Variants in ANTXRL observed in about 807,000 individuals in gnomAD.
ANTXRL encodes anthrax toxin receptor-like.
ANTXRL carries 63 observed loss-of-function variants against 75.4 expected under a neutral mutation model. That is an observed-to-expected ratio of 0.84 (90% CI 0.68 to 1.03). ANTXRL has a LOEUF of 1.03. Ranked by LOEUF, ANTXRL falls within the 50% of genes least tolerant of loss-of-function variation. The pLI is 0.00. For missense variants in ANTXRL, 797 were observed against 789.4 expected, an observed-to-expected ratio of 1.01 and a Z score of -0.12; for synonymous variants, 335 against 291.3, an observed-to-expected ratio of 1.15 and a Z score of -1.53.
intron 1 of ANTXRL, among the ~76,000 whole-genome samples, chr10:46,288,380 G>A (rs868982803): frequency 6.6e-6 from 1 of 152,120 alleles, no homozygotes; most frequent in African/African-American, 2.4e-5. Flanking sequence ...GGTTGGGGAA[G>A]CATCCAGAGA....
intron 16 of ANTXRL, among the ~76,000 whole-genome samples, chr10:46,317,300 T>G (rs1287057958): frequency 6.6e-6 from 1 of 152,218 alleles, no homozygotes; most frequent in Non-Finnish European, 1.5e-5. Flanking sequence ...CAAGAAACTA[T>G]CAACAGCTTC....
At chr10:46,300,084 A>G (rs116734989) in intron 9 of ANTXRL, among the ~76,000 whole-genome samples, 2,859 of 152,254 alleles carry the variant, frequency 0.019, 90 homozygotes, top group African/African-American at 0.064. Flanking sequence ...ACCCCAGGTG[A>G]GGATGTGAGT....
intron 4 of ANTXRL, 57 bp from the exon 5 acceptor site, chr10:46,296,162 G>C: frequency 6.5e-7 from 1 of 1,535,180 alleles, no homozygotes; most frequent in Non-Finnish European, 8.7e-7. Flanking sequence ...CAAAATCTTA[G>C]AGCATCAGTG....
chr10:46,315,987 A>G (rs1306691925), intron 16 of ANTXRL, among the ~76,000 whole-genome samples: 1 of 152,110 alleles, frequency 6.6e-6, no homozygotes, highest in Non-Finnish European at 1.5e-5. Context: ...CTACACACTT[A>G]TACAAAATGA....
intron 2 of ANTXRL, among the ~76,000 whole-genome samples, chr10:46,293,520 T>TGTGTGC (rs782374134): frequency 1.2e-4 from 17 of 147,352 alleles, no homozygotes; most frequent in African/African-American, 3.3e-4. Context: ...TGTGTGTGTG[T>TGTGTGC]GCCTCTGTGT....
intron 16 of ANTXRL, among the ~76,000 whole-genome samples, chr10:46,325,546 A>C (rs1839172928): frequency 6.6e-6 from 1 of 152,136 alleles, no homozygotes; most frequent in Non-Finnish European, 1.5e-5. Flanking sequence ...ATGGGTTTTA[A>C]TTGAACTGCC....
chr10:46,313,209 C>A (rs1554963932), intron 15 of ANTXRL, 27 bp from the exon 16 acceptor site: 1 of 1,532,794 alleles, frequency 6.5e-7, no homozygotes, highest in South Asian at 1.2e-5. Flanking sequence ...AGCTGCATGT[C>A]TTCCTCATGG....
chr10:46,323,925 T>A, intron 16 of ANTXRL, among the ~76,000 whole-genome samples: 1 of 152,220 alleles, frequency 6.6e-6, no homozygotes, highest in South Asian at 2.1e-4. Context: ...ATCCTCAATA[T>A]CCTGTGAGTC....
At chr10:46,313,098 C>A (rs1246878649) in intron 15 of ANTXRL, 138 bp from the exon 16 acceptor site, 12 of 773,348 alleles carry the variant, frequency 1.6e-5, no homozygotes, top group African/African-American at 5.2e-5. Context: ...GGCTGCCAGG[C>A]CCCTCCCCCA....
intron 15 of ANTXRL, among the ~76,000 whole-genome samples, chr10:46,312,827 A>C (rs543012183): frequency 6.7e-6 from 1 of 149,870 alleles, no homozygotes. Flanking sequence ...CTCCCTGAGC[A>C]GGGCATGGTC....
At chr10:46,294,736 C>T (rs1323007183) in intron 3 of ANTXRL, among the ~76,000 whole-genome samples, 5 of 152,216 alleles carry the variant, frequency 3.3e-5, no homozygotes, top group Admixed American at 6.5e-5. Flanking sequence ...TGGCGAGTGA[C>T]CCAGACGGGG....
chr10:46,315,380 A>G (rs1428353945), intron 16 of ANTXRL, among the ~76,000 whole-genome samples: 1 of 152,238 alleles, frequency 6.6e-6, no homozygotes, highest in Non-Finnish European at 1.5e-5. Flanking sequence ...GGCCCCAGCC[A>G]GGCAGCCCAA....
At chr10:46,315,070 C>A (rs1281713924) in intron 16 of ANTXRL, among the ~76,000 whole-genome samples, 4 of 152,312 alleles carry the variant, frequency 2.6e-5, no homozygotes, top group East Asian at 1.9e-4. Context: ...CCTCTTTAAG[C>A]CTTCGGTGTG....
rs180870033 is a variant in ANTXRL, at chr10:46,296,961, C to T, written c.509-291C>T. ...GAGCTGCCCTCAGGCAGAGGTGGTG[C>T]AGGTCGCTAGTGGGTGAGGGTTCAG... On this transcript the variant is annotated intron_variant, in intron 5 of 16. Coordinates refer to ENST00000620264, the MANE Select transcript of ANTXRL (RefSeq NM_001278688.3). Among the ~76,000 whole-genome samples, 87 of 152,262 alleles carry T rather than the reference C, an allele frequency of 5.7e-4. 1 individual carries two copies. The East Asian group carries it at 0.016, about 29-fold the overall frequency.
At chr10:46,295,144 A>G (rs1554958162) in intron 3 of ANTXRL, among the ~76,000 whole-genome samples, 1 of 152,136 alleles carries the variant, frequency 6.6e-6, no homozygotes, top group Non-Finnish European at 1.5e-5. Context: ...TTTTTGTTTC[A>G]GGGGCACAGA....
Position 46,297,448 on chromosome 10 carries a change from G to A in ANTXRL, c.628G>A (p.Gly210Ser). 6.5e-7 allele frequency: 1 copy of A among 1,535,806 alleles called. No homozygotes were observed. The change falls in exon 7 of 17, where the codon GGT (glycine) becomes AGT (serine). Residue 210 changes from glycine (G) to serine (S), a missense_variant. Around this residue, in one of 3 missense-constraint regions of ANTXRL, gnomAD observed 262 missense variants for 271.9 expected, o/e 0.96. Coordinates refer to ENST00000620264, the MANE Select transcript of ANTXRL (RefSeq NM_001278688.3). ...ACTGGGGGCCAACGTTTACACCCTG[G>A]GTGTGGCTGATTATAATCTGGATCA... is the stretch of plus-strand genomic sequence containing the variant. The part of the protein sequence containing the change: ...RKLGANVYTL[G>S]VADYNLDQIT...
intron 16 of ANTXRL, among the ~76,000 whole-genome samples, chr10:46,328,395 G>A (rs1206524592): frequency 2.0e-5 from 3 of 152,098 alleles, no homozygotes; most frequent in Non-Finnish European, 2.9e-5. Context: ...CCTTGAAAAG[G>A]CCAGGCTTTC....
rs1186728738 is a variant in ANTXRL, at chr10:46,287,640, C to T, written c.248+130C>T. 4.8e-6 allele frequency: 6 copies of T among 1,260,620 alleles called. No individual in the cohort carries two copies. The African/African-American group carries it at 9.1e-5, about 19-fold the overall frequency. The allele number at this position is 1,260,620 out of a possible 1,614,324, so 78.1% of individuals were successfully genotyped here. A position where few individuals can be genotyped will look rare whatever the true frequency, so the allele number is the denominator to read the frequency against. Reference sequence around the variant, plus strand: ...GAAGCAGGGCCAAACTTTGGTCAGACCAGACCTAGGCCTCCTGTTTTTCTG... The same window carrying T: ...GAAGCAGGGCCAAACTTTGGTCAGATCAGACCTAGGCCTCCTGTTTTTCTG... On this transcript the variant is annotated intron_variant, in intron 1 of 16. Coordinates refer to ENST00000620264, the MANE Select transcript of ANTXRL (RefSeq NM_001278688.3).
intron 1 of ANTXRL, among the ~76,000 whole-genome samples, chr10:46,288,680 T>C (rs1370089360): frequency 6.6e-6 from 1 of 152,242 alleles, no homozygotes; most frequent in African/African-American, 2.4e-5. Flanking sequence ...CATTTTCACC[T>C]TGCCAAGTGT....
Sources: allele counts gnomAD v4.1 joint callset (sites outside exome capture counted in the v4.1 genomes callset), GRCh38; gene constraint gnomAD v4.1.1; regional missense constraint gnomAD v4.1.1; transcripts MANE v1.5; gene names NCBI Gene and HGNC (gene_info 2026-07-23, HGNC 2026-07-21).